The following ODAD1 variants were observed in gnomAD, a reference collection of about 807,000 sequenced individuals.
The protein encoded by ODAD1 is outer dynein arm docking complex subunit 1.
In ODAD1, 49 loss-of-function variants were observed where a neutral mutation model predicts 67.2. That is an observed-to-expected ratio of 0.73 (90% CI 0.58 to 0.92). The LOEUF (loss-of-function observed/expected upper bound fraction) is 0.92, where lower values mean the gene tolerates loss of function less well. Among genes scored for constraint, ODAD1 ranks in the 40% least tolerant of loss-of-function variants. The pLI, the probability that ODAD1 is intolerant of heterozygous loss-of-function variation, is 0.00. For synonymous variants in ODAD1, 345 were observed against 393.7 expected (o/e 0.88, Z 1.46); for missense variants, 897 against 953.7 (o/e 0.94, Z 0.78).
At chr19:48,300,501 CAAAGTCATTAACTACAA>C (rs1029454478) in intron 12 of ODAD1, among the ~76,000 whole-genome samples, 2 of 151,914 alleles carry the variant, frequency 1.3e-5, no homozygotes, top group Non-Finnish European at 2.9e-5. Context: ...AGGCAGGCCA[CAAAGTCATTAACTACAA>C]AAAGAAAATT....
rs1301498663 is a variant in ODAD1, at chr19:48,298,092, G to A, written c.1410C>T (p.Phe470=). The A allele has an allele frequency of 6.2e-7, 1 of 1,613,158 alleles. No individual in the cohort carries two copies. The highest frequency in any genetic ancestry group is 1.7e-5 in the Admixed American group (1 of 59,818). Residue 470 remains phenylalanine (F), a synonymous_variant, in exon 14 of 16, where the codon TTC becomes TTT. Transcript: ENST00000674294. ...TVQAFLHAQS[F]TSLADAALLV... ...GGAGGGCAGCGTCGGCCAGGGAGGT[G>A]AAGCTCTGGAGAGTGTGGGAGCCTG...
At chr19:48,297,774 C>A in intron 14 of ODAD1, 106 bp from the exon 15 acceptor site, 4 of 1,069,830 alleles carry the variant, frequency 3.7e-6, no homozygotes, top group Non-Finnish European at 5.2e-6. Context: ...CCCACCAGCC[C>A]CGAGTGCCCT....
chr19:48,303,148 G>C, intron 10 of ODAD1, 53 bp from the exon 11 acceptor site: 1 of 1,349,060 alleles, frequency 7.4e-7, no homozygotes, highest in Non-Finnish European at 1.1e-6. Flanking sequence ...GAGAAACAGA[G>C]ACAGAGAGAA....
chr19:48,303,588 GC>G (rs1816123395), intron 10 of ODAD1, 61 bp downstream of exon 10: 1 of 1,592,064 alleles, frequency 6.3e-7, no homozygotes, highest in Non-Finnish European at 8.6e-7. Flanking sequence ...AGGCCAGCCT[GC>G]ACTGGACTCA....
At position 48,302,749 on chromosome 19, in the gene ODAD1, C is replaced by T. The variant is rs749433168; in HGVS notation, c.1185G>A (p.Glu395=). The change falls in exon 12 of 16, where the codon GAG becomes GAA. Residue 395 remains glutamate, a synonymous_variant. Transcript: ENST00000674294. ...QRMDKVHSEA[E]RLEARFQDVR... is the part of the protein sequence containing the mutation. Reference sequence around the variant, plus strand: ...CATCCTGGAAGCGGGCCTCAAGGCGCTCAGCCTCCGAGTGCACCTTGTCCA... The same window carrying T: ...CATCCTGGAAGCGGGCCTCAAGGCGTTCAGCCTCCGAGTGCACCTTGTCCA... The T allele has an allele frequency of 7.4e-6, 12 of 1,613,410 alleles. No individual in the cohort carries two copies. The highest frequency in any genetic ancestry group is 1.3e-5 in the African/African-American group (1 of 74,930).
intron 1 of ODAD1, among the ~76,000 whole-genome samples, chr19:48,321,032 T>A (rs962211237): frequency 3.3e-5 from 5 of 151,968 alleles, no homozygotes. Flanking sequence ...AGGTCACGAG[T>A]TCGAGACCAA....
At chr19:48,316,097 G>C (rs1330124517) in intron 5 of ODAD1, among the ~76,000 whole-genome samples, 1 of 152,132 alleles carries the variant, frequency 6.6e-6, no homozygotes, top group African/African-American at 2.4e-5. Context: ...TGCCAAACTG[G>C]GCCAGGCACG....
chr19:48,306,328 G>A lies in ODAD1; in HGVS notation c.598-5C>T. ...GTGATGCAGGTGGTGGATCTCCTGTGGGGGGAGGAGAAAAAAATCAGTGCC... is the reference window on the plus strand; with the variant it reads ...GTGATGCAGGTGGTGGATCTCCTGTAGGGGGAGGAGAAAAAAATCAGTGCC... On this transcript the variant is annotated splice_region_variant and splice_polypyrimidine_tract_variant and intron_variant, in intron 7 of 15. Transcript: ENST00000674294. 1.3e-6 allele frequency: 2 copies of A among 1,550,316 alleles called. No homozygotes were observed. Among genetic ancestry groups the A allele is most frequent in the Non-Finnish European group, 1.7e-6 (2 of 1,145,984 alleles).
chr19:48,305,281 A>G (rs1045130971), intron 8 of ODAD1, among the ~76,000 whole-genome samples: 3 of 152,202 alleles, frequency 2.0e-5, no homozygotes, highest in African/African-American at 7.2e-5. Flanking sequence ...AACTCCTTAC[A>G]GTGTGCCTCT....
intron 12 of ODAD1, among the ~76,000 whole-genome samples, chr19:48,300,061 CT>C (rs1003305471): frequency 4.0e-5 from 6 of 151,216 alleles, no homozygotes; most frequent in African/African-American, 1.5e-4. Context: ...AATCCCAGCA[CT>C]TTGGGATACT....
chr19:48,297,408 G>T lies in ODAD1; in HGVS notation c.1692C>A (p.Gly564=). 1 of 1,605,734 alleles carries T rather than the reference G, an allele frequency of 6.2e-7. No homozygotes were observed. The highest frequency in any genetic ancestry group is 2.2e-5 in the East Asian group (1 of 44,866). Residue 564 remains glycine (G), a synonymous_variant, in exon 16 of 16, where the codon GGC becomes GGA. Coordinates refer to ENST00000674294, the MANE Select transcript of ODAD1 (RefSeq NM_001364171.2). ...SVDLASTQRA[G]SSTVLVPTRH... is the part of the protein sequence containing the mutation. ...TGGTGGGCACCAGGACGGTACTGGA[G>T]CCGGCCCTCTGGGTGCTGGCCAGGT...
rs147626899 is a variant in ODAD1, at chr19:48,303,087, G to A, written c.997C>T (p.Arg333Cys). The change falls in exon 11 of 16, where the codon CGC (arginine) becomes TGC (cysteine). Residue 333 changes from arginine (R) to cysteine (C), a missense_variant. Coordinates refer to ENST00000674294, the MANE Select transcript of ODAD1 (RefSeq NM_001364171.2). ...LVQKYLEIEE[R>C]NFAEFNFINE... is the part of the protein sequence containing the mutation. Reference sequence around the variant, plus strand: ...ATGAAGTTGAACTCAGCAAAGTTGCGCTCCTCGACTGGGAGAGTTGGGCAA... The same window carrying A: ...ATGAAGTTGAACTCAGCAAAGTTGCACTCCTCGACTGGGAGAGTTGGGCAA... 30 of 1,613,642 alleles carry A rather than the reference G, an allele frequency of 1.9e-5. No homozygotes were observed. The highest frequency in any genetic ancestry group is 1.7e-4 in the African/African-American group (13 of 75,050).
In ODAD1 at chr19:48,303,933, G is replaced by A; in HGVS notation, c.853+20C>T. On this transcript the variant is annotated intron_variant, in intron 9 of 15. Coordinates refer to ENST00000674294, the MANE Select transcript of ODAD1 (RefSeq NM_001364171.2). The stretch of plus-strand genomic sequence containing the variant: ...GGCGGCCAGGCCCTTGAGATGCAAA[G>A]GCAGCAGCCCCAGCCTCACCCTGCT... 1 of 1,608,160 alleles carries A rather than the reference G, an allele frequency of 6.2e-7. No homozygotes were observed.
chr19:48,318,334 G>A (rs1172927156), intron 5 of ODAD1, 53 bp downstream of exon 5: 1 of 1,476,330 alleles, frequency 6.8e-7, no homozygotes, highest in East Asian at 2.5e-5. Flanking sequence ...GCTCAGGGAG[G>A]TTACAACACT....
chr19:48,298,949 C>T (rs760939630), intron 12 of ODAD1, among the ~76,000 whole-genome samples: 71 of 152,170 alleles, frequency 4.7e-4, no homozygotes, highest in Non-Finnish European at 9.3e-4. Context: ...ACGGTATGCC[C>T]CGAGGAGGCT....
At chr19:48,312,173 T>G in intron 5 of ODAD1, 57 bp from the exon 6 acceptor site, 1 of 1,421,428 alleles carries the variant, frequency 7.0e-7, no homozygotes, top group South Asian at 1.3e-5. Flanking sequence ...AGAGATTGAA[T>G]GGCCCAGGGA....
chr19:48,306,058 CAA>C, intron 8 of ODAD1, 196 bp downstream of exon 8: 1 of 356,538 alleles, frequency 2.8e-6, no homozygotes, highest in Non-Finnish European at 3.9e-6. Context: ...GACTCTGTCT[CAA>C]AAAAAAAGAC....
chr19:48,310,459 C>T (rs142443686), intron 7 of ODAD1, among the ~76,000 whole-genome samples: 14 of 152,238 alleles, frequency 9.2e-5, no homozygotes, highest in Non-Finnish European at 1.8e-4. Flanking sequence ...AATCAGTGAC[C>T]TTGACATATG....
Position 48,298,280 on chromosome 19 carries a change from C to T in ODAD1, c.1301G>A (p.Gly434Glu). The change falls in exon 13 of 16, where the codon GGG becomes GAG. Residue 434 changes from glycine to glutamate, a missense_variant. Gly to Glu is a moderately conservative substitution (Grantham distance 98, BLOSUM62 -2). Transcript: ENST00000674294. Reference sequence around the variant, plus strand: ...CCGGTCTCCCATGCTGGTCTTGACCCCAAGGAGGTCATCGATCATGCTGCT... The same window carrying T: ...CCGGTCTCCCATGCTGGTCTTGACCTCAAGGAGGTCATCGATCATGCTGCT... Reference protein sequence around the residue: ...CDSSMIDDLLGVKTSMGDRDM... With the variant: ...CDSSMIDDLLEVKTSMGDRDM... The T allele has an allele frequency of 6.2e-7, 1 of 1,614,120 alleles. No individual in the cohort carries two copies.
Sources: allele counts gnomAD v4.1 joint callset (sites outside exome capture counted in the v4.1 genomes callset), GRCh38; gene constraint gnomAD v4.1.1; transcripts MANE v1.5; gene names NCBI Gene and HGNC (gene_info 2026-07-23, HGNC 2026-07-21).